The following CFAP161 variants were observed in gnomAD, a reference collection of about 807,000 sequenced individuals.
The protein encoded by CFAP161 is cilia- and flagella-associated protein 161.
A neutral mutation model predicts 29.0 loss-of-function variants in CFAP161; 25 were observed. The ratio of observed to expected loss-of-function variants is 0.86; its 90% CI spans 0.63 to 1.20. The LOEUF (loss-of-function observed/expected upper bound fraction) is 1.20. Ranked by LOEUF, CFAP161 falls within the 50% of genes most tolerant of loss-of-function variation. The probability of loss-of-function intolerance (pLI) is 0.00; values close to 1 mark genes in which losing one functional copy is unlikely to be tolerated. For missense variants in CFAP161, 367 were observed against 371.9 expected (o/e 0.99, Z 0.11); for synonymous variants, 116 against 137.4 (o/e 0.84, Z 1.09).
chr15:81,134,344 G>A lies in CFAP161; in HGVS notation c.15G>A (p.Val5=). Reference sequence around the variant, plus strand: ...AGCAGGGAGCGATGGCGCAGAACGTGTATGGTCCGGGAGTCCGGATAGGCA... The same window carrying A: ...AGCAGGGAGCGATGGCGCAGAACGTATATGGTCCGGGAGTCCGGATAGGCA... MAQN[V]YGPGVRIGNW... Residue 5 remains valine, a synonymous_variant, in exon 1 of 7, where the codon GTG becomes GTA. Transcript: ENST00000286732. 1 of 1,590,148 alleles carries A rather than the reference G, an allele frequency of 6.3e-7. No individual in the cohort carries two copies. Among genetic ancestry groups the A allele is most frequent in the Non-Finnish European group, 8.6e-7 (1 of 1,169,294 alleles).
rs148645161 is a variant in CFAP161 at position 81,148,567 on chromosome 15, G to A, written c.*34G>A. On this transcript the variant is annotated 3_prime_UTR_variant, in exon 7 of 7. Coordinates refer to ENST00000286732, the MANE Select transcript of CFAP161 (RefSeq NM_173528.4). ...GCACGTGCATGTTTTCCCTGGTCCCGCTCTCATCAAATGTAGCTTTAAAAG... is the reference window on the plus strand; with the variant it reads ...GCACGTGCATGTTTTCCCTGGTCCCACTCTCATCAAATGTAGCTTTAAAAG... 160 of 1,568,866 alleles carry A rather than the reference G, an allele frequency of 1.0e-4. 1 individual carries two copies. Among genetic ancestry groups the A allele is most frequent in the Non-Finnish European group, 1.2e-4 (133 of 1,150,180 alleles).
At chr15:81,135,400 A>C (rs746087685) in intron 2 of CFAP161, 41 bp downstream of exon 2, 1 of 1,376,584 alleles carries the variant, frequency 7.3e-7, no homozygotes, top group African/African-American at 1.5e-5. Flanking sequence ...GTTTTAGGGT[A>C]CATGTGCACA....
chr15:81,116,167 G>C (rs1894494976), intron 1 of CFAP161, among the ~76,000 whole-genome samples: 2 of 152,128 alleles, frequency 1.3e-5, no homozygotes, highest in Non-Finnish European at 2.9e-5. Context: ...GGTTCCGTTA[G>C]GTTACCAGCT....
At position 81,148,400 on chromosome 15, in the gene CFAP161, A is replaced by C; in HGVS notation, c.773A>C (p.Glu258Ala). The C allele has an allele frequency of 1.2e-6, 2 of 1,614,228 alleles. No homozygotes were observed. The highest frequency in any genetic ancestry group is 2.2e-5 in the South Asian group (2 of 91,088). ...AHTYLDSHRV[E>A]KPRNHWMLVT... ...ACATACCTGGATTCACATAGAGTTG[A>C]GAAACCAAGGAACCACTGGATGTTG... The change falls in exon 7 of 7, where the codon GAG (glutamate) becomes GCG (alanine). Residue 258 changes from glutamate (E) to alanine (A), a missense_variant. Glu to Ala is a moderately radical substitution (Grantham distance 107). Transcript: ENST00000286732.
At chr15:81,142,530 G>A (rs1414967790) in intron 4 of CFAP161, among the ~76,000 whole-genome samples, 2 of 152,016 alleles carry the variant, frequency 1.3e-5, no homozygotes, top group South Asian at 2.1e-4. Flanking sequence ...GGAAAGCACC[G>A]TGCTCCTACC....
chr15:81,135,243 G>A lies in CFAP161; in HGVS notation c.70-27G>A, dbSNP rs766933788. The A allele has an allele frequency of 4.0e-6, 6 of 1,493,664 alleles. No individual in the cohort carries two copies. In the South Asian group the frequency reaches 6.1e-5, roughly 15 times the overall value. The allele number at this position is 1,493,664 out of a possible 1,614,324, so 92.5% of individuals were successfully genotyped here. A position where few individuals can be genotyped will look rare whatever the true frequency, so the allele number is the denominator to read the frequency against. ...TAATACTAACATCTATATTATTCAG[G>A]GCTACTTTTGTTGATTTTCTGTTTA... On this transcript the variant is annotated intron_variant, in intron 1 of 6. Coordinates refer to ENST00000286732, the MANE Select transcript of CFAP161 (RefSeq NM_173528.4).
At chr15:81,146,115 T>C (rs1386698080) in intron 5 of CFAP161, among the ~76,000 whole-genome samples, 1 of 152,184 alleles carries the variant, frequency 6.6e-6, no homozygotes, top group Non-Finnish European at 1.5e-5. Context: ...GCTCTTGTTT[T>C]TGTTTTGACC....
At chr15:81,102,479 G>A (rs1303590681) in intron 1 of CFAP161, among the ~76,000 whole-genome samples, 2 of 151,990 alleles carry the variant, frequency 1.3e-5, no homozygotes, top group Non-Finnish European at 2.9e-5. Context: ...ACCAGACTGG[G>A]CAACATAGCA....
chr15:81,143,261 C>G (rs1033387655), intron 4 of CFAP161, among the ~76,000 whole-genome samples: 4 of 152,176 alleles, frequency 2.6e-5, no homozygotes, highest in South Asian at 2.1e-4. Context: ...TGCAGTGAAC[C>G]ATGATTGCCA....
At chr15:81,133,011 G>T (rs2141875769), upstream of CFAP161, among the ~76,000 whole-genome samples, 1 of 151,706 alleles carries the variant, frequency 6.6e-6, no homozygotes, top group East Asian at 1.9e-4. Context: ...TCATCAGAAT[G>T]TGGGAATGTT....
chr15:81,137,506 G>A (rs1451460978), intron 3 of CFAP161, among the ~76,000 whole-genome samples: 1 of 152,166 alleles, frequency 6.6e-6, no homozygotes, highest in East Asian at 1.9e-4. Context: ...TGAAGCATGA[G>A]AATCACTTGA....
intron 1 of CFAP161, among the ~76,000 whole-genome samples, chr15:81,105,556 G>A (rs1431116658): frequency 6.6e-6 from 1 of 151,890 alleles, no homozygotes; most frequent in African/African-American, 2.4e-5. Context: ...CAAGCAGTCA[G>A]TGGCCACTGG....
At chr15:81,133,176 C>CATATATATATATATAT (rs141326043), upstream of CFAP161, among the ~76,000 whole-genome samples, 1 of 60,982 alleles carries the variant, frequency 1.6e-5, no homozygotes, top group African/African-American at 6.8e-5. Flanking sequence ...CCTTCATCAG[C>CATATATATATATATAT]ATATATATAT....
At chr15:81,120,877 T>C (rs1441079131) in intron 1 of CFAP161, among the ~76,000 whole-genome samples, 1 of 152,188 alleles carries the variant, frequency 6.6e-6, no homozygotes, top group Non-Finnish European at 1.5e-5. Flanking sequence ...TAATTAGATA[T>C]CTGGATGAAA....
Position 81,135,371 on chromosome 15 carries a change from T to G in CFAP161, c.159+12T>G. 1 of 1,564,360 alleles carries G rather than the reference T, an allele frequency of 6.4e-7. No individual in the cohort carries two copies. Among genetic ancestry groups the G allele is most frequent in the Non-Finnish European group, 8.6e-7 (1 of 1,159,310 alleles). ...ATCTCTTGAGACCGGTAACTTTTTT[T>G]TTTTTTATTACACTTTAAGTTTTAG... On this transcript the variant is annotated intron_variant, in intron 2 of 6. Coordinates refer to ENST00000286732, the MANE Select transcript of CFAP161 (RefSeq NM_173528.4).
At chr15:81,142,971 T>C (rs1455754528) in intron 4 of CFAP161, among the ~76,000 whole-genome samples, 1 of 152,138 alleles carries the variant, frequency 6.6e-6, no homozygotes, top group Admixed American at 6.5e-5. Context: ...TGAAGAATAA[T>C]TCATTTCACG....
intron 1 of CFAP161, among the ~76,000 whole-genome samples, 155 bp downstream of exon 1, chr15:81,134,553 A>T (rs1457241849): frequency 3.3e-5 from 5 of 152,086 alleles, no homozygotes; most frequent in African/African-American, 7.2e-5. Context: ...ACTCCCAAGG[A>T]ATCTCACCTG....
intron 1 of CFAP161, among the ~76,000 whole-genome samples, chr15:81,099,793 A>G (rs901697962): frequency 1.3e-5 from 2 of 152,206 alleles, no homozygotes; most frequent in Non-Finnish European, 2.9e-5. Context: ...CAAGCATATT[A>G]ATTCTAGTAT....
chr15:81,136,758 C>T lies in CFAP161; in HGVS notation c.392+10C>T, dbSNP rs1567157995. The stretch of plus-strand genomic sequence containing the variant: ...CTTTTATCATTTTGAGGTAAAGAGA[C>T]TTTAATTTTCAGTTCATTTTCATCA... On this transcript the variant is annotated intron_variant, in intron 3 of 6. Transcript: ENST00000286732. The T allele has an allele frequency of 1.3e-6, 2 of 1,594,536 alleles. No homozygotes were observed. Among genetic ancestry groups the T allele is most frequent in the Admixed American group, 3.4e-5 (2 of 59,688 alleles).
Sources: gnomAD v4.1 joint callset for allele counts (sites outside exome capture counted in the v4.1 genomes callset) on GRCh38, gnomAD v4.1.1 for gene constraint, MANE v1.5 for transcripts, NCBI Gene and HGNC (gene_info 2026-07-23, HGNC 2026-07-21) for gene names.